The following ASTN2 variants were observed in gnomAD, a reference collection of about 807,000 sequenced individuals.
ASTN2 encodes the protein astrotactin-2.
Under a neutral mutation model 139.8 loss-of-function variants are expected in ASTN2, and 54 were observed. That is an observed-to-expected ratio of 0.39 (90% CI 0.31 to 0.48). The LOEUF is 0.48. Among genes scored for constraint, ASTN2 ranks in the 20% least tolerant of loss-of-function variants. The pLI is 0.95. For missense variants in ASTN2, 1,565 were observed against 1,725.1 expected (o/e 0.91, Z 1.64); for synonymous variants, 756 against 719.5 (o/e 1.05, Z -0.81).
At chr9:117,311,984 T>C (rs1454668423) in intron 1 of ASTN2, among the ~76,000 whole-genome samples, 1 of 152,156 alleles carries the variant, frequency 6.6e-6, no homozygotes, top group African/African-American at 2.4e-5. Flanking sequence ...CCACCACCAA[T>C]GTGAACCCCA....
chr9:117,268,772 C>T (rs1251684496), intron 2 of ASTN2, among the ~76,000 whole-genome samples: 2 of 152,164 alleles, frequency 1.3e-5, no homozygotes, highest in Non-Finnish European at 2.9e-5. Context: ...TACAATGTGA[C>T]ATTAGACAAG....
At chr9:116,886,740 T>A (rs1833608092) in intron 10 of ASTN2, among the ~76,000 whole-genome samples, 1 of 152,212 alleles carries the variant, frequency 6.6e-6, no homozygotes, top group South Asian at 2.1e-4. Flanking sequence ...AAGAATATTT[T>A]TTTTATTGAG....
At chr9:116,660,047 A>AACT (rs1287445240) in intron 16 of ASTN2, among the ~76,000 whole-genome samples, 2 of 152,254 alleles carry the variant, frequency 1.3e-5, no homozygotes, top group East Asian at 3.9e-4. Flanking sequence ...ACAATTAACT[A>AACT]ACTAGGTAGA....
intron 5 of ASTN2, among the ~76,000 whole-genome samples, chr9:117,058,966 C>T (rs1054901568): frequency 3.3e-5 from 5 of 152,072 alleles, no homozygotes; most frequent in Admixed American, 6.5e-5. Flanking sequence ...ACGTTGAAGG[C>T]CAGTTAATGA....
intron 20 of ASTN2, among the ~76,000 whole-genome samples, chr9:116,464,970 G>C (rs898582212): frequency 2.0e-5 from 3 of 152,206 alleles, no homozygotes; most frequent in Non-Finnish European, 4.4e-5. Flanking sequence ...AAGAGGCTCA[G>C]AGCAGGTCAC....
In ASTN2 at chr9:116,794,877, G is replaced by C. The variant is rs10983349; in HGVS notation, c.2396+10755C>G. Among the ~76,000 whole-genome samples the C allele has an allele frequency of 2.0e-5, 3 of 152,226 alleles. No individual in the cohort carries two copies. The South Asian group carries it at 6.2e-4, about 32-fold the overall frequency. Reference sequence around the variant, plus strand: ...CGAGACTGATGTGCAGTCCAGCAAGGCTTGCTGGTTAAGCTTTATGCTGTT... The same window carrying C: ...CGAGACTGATGTGCAGTCCAGCAAGCCTTGCTGGTTAAGCTTTATGCTGTT... On this transcript the variant is annotated intron_variant, in intron 13 of 22. Coordinates refer to ENST00000313400, the MANE Select transcript of ASTN2 (RefSeq NM_001365068.1).
intron 11 of ASTN2, among the ~76,000 whole-genome samples, chr9:116,840,877 G>A (rs1288669612): frequency 6.6e-6 from 1 of 151,012 alleles, no homozygotes; most frequent in Admixed American, 6.6e-5. Flanking sequence ...GGGTAGAGAC[G>A]CTCCTCACTT....
chr9:116,510,864 C>G (rs1850345532), intron 19 of ASTN2, among the ~76,000 whole-genome samples: 1 of 152,140 alleles, frequency 6.6e-6, no homozygotes, highest in South Asian at 2.1e-4. Context: ...TATCCTGAGA[C>G]TTTGCTGAAG....
chr9:116,819,343 A>G (rs1016750689), intron 12 of ASTN2, among the ~76,000 whole-genome samples: 1 of 152,204 alleles, frequency 6.6e-6, no homozygotes, highest in African/African-American at 2.4e-5. Context: ...TAAGCTGAGG[A>G]GAGATCGCTA....
intron 16 of ASTN2, among the ~76,000 whole-genome samples, chr9:116,723,032 G>T (rs1341676387): frequency 6.6e-6 from 1 of 152,086 alleles, no homozygotes; most frequent in African/African-American, 2.4e-5. Flanking sequence ...GGGCATGGTG[G>T]CGGGCGCCTG....
chr9:116,836,686 G>A (rs1056204813), intron 11 of ASTN2, among the ~76,000 whole-genome samples: 6 of 151,838 alleles, frequency 4.0e-5, no homozygotes, highest in East Asian at 1.9e-4. Context: ...GAGGCAAAGA[G>A]AGAATCCAGG....
At chr9:116,785,452 T>C (rs994498427) in intron 13 of ASTN2, among the ~76,000 whole-genome samples, 2 of 152,232 alleles carry the variant, frequency 1.3e-5, no homozygotes, top group Non-Finnish European at 2.9e-5. Context: ...ATGATGGCTA[T>C]TGACGCCGGA....
At chr9:116,477,445 A>G (rs1307033269) in intron 20 of ASTN2, among the ~76,000 whole-genome samples, 1 of 152,052 alleles carries the variant, frequency 6.6e-6, no homozygotes, top group African/African-American at 2.4e-5. Context: ...GTTTGGGGAC[A>G]TCAGTCACCC....
chr9:116,576,177 G>A (rs769443517), intron 19 of ASTN2, among the ~76,000 whole-genome samples: 2 of 152,160 alleles, frequency 1.3e-5, no homozygotes, highest in Non-Finnish European at 2.9e-5. Flanking sequence ...AGATGCAGCT[G>A]TGGACAATGA....
At chr9:116,885,448 C>T (rs1833571920) in intron 10 of ASTN2, among the ~76,000 whole-genome samples, 1 of 152,146 alleles carries the variant, frequency 6.6e-6, no homozygotes, top group Admixed American at 6.5e-5. Flanking sequence ...GGTGGATCAC[C>T]TGAGGTCAAG....
intron 19 of ASTN2, chr9:116,545,685 A>C (rs943776590): frequency 7.9e-5 from 12 of 152,206 alleles, no homozygotes; most frequent in African/African-American, 2.9e-4. Flanking sequence ...AGCAGAAAAA[A>C]AATAAGAAAA....
chr9:116,892,813 G>C (rs1009062034), intron 10 of ASTN2, among the ~76,000 whole-genome samples: 45 of 152,084 alleles, frequency 3.0e-4, no homozygotes, highest in African/African-American at 1.1e-3. Context: ...TATGAGGACT[G>C]TCATATTTAG....
chr9:117,081,641 T>C (rs1036508491), intron 5 of ASTN2, among the ~76,000 whole-genome samples: 1 of 152,206 alleles, frequency 6.6e-6, no homozygotes, highest in Non-Finnish European at 1.5e-5. Flanking sequence ...AAGAAGTTCA[T>C]CTTGGGTAGG....
At chr9:117,138,445 C>T (rs1162797181) in intron 4 of ASTN2, among the ~76,000 whole-genome samples, 1 of 152,162 alleles carries the variant, frequency 6.6e-6, no homozygotes, top group Non-Finnish European at 1.5e-5. Context: ...GCCAGTTTGG[C>T]TGGAGCACAA....
Sources: allele counts gnomAD v4.1 joint callset (sites outside exome capture counted in the v4.1 genomes callset), GRCh38; gene constraint gnomAD v4.1.1; transcripts MANE v1.5; gene names NCBI Gene and HGNC (gene_info 2026-07-23, HGNC 2026-07-21).